Variants in SMAP1 observed in about 807,000 individuals in gnomAD.
SMAP1 encodes small ArfGAP 1, also known as stromal membrane-associated protein 1.
A neutral mutation model predicts 58.5 loss-of-function variants in SMAP1; 24 were observed. That is an observed-to-expected ratio of 0.41 (90% CI 0.30 to 0.58). The LOEUF (loss-of-function observed/expected upper bound fraction) is 0.58. Among genes scored for constraint, SMAP1 ranks in the 20% least tolerant of loss-of-function variants. The pLI is 0.29. For synonymous variants in SMAP1, 216 were observed against 196.6 expected, an observed-to-expected ratio of 1.10 and a Z score of -0.82; for missense variants, 563 against 566.3, an observed-to-expected ratio of 0.99 and a Z score of 0.06.
At chr6:70,757,714 T>G (rs540466349) in intron 3 of SMAP1, among the ~76,000 whole-genome samples, 30 of 152,242 alleles carry the variant, frequency 2.0e-4, no homozygotes, top group Admixed American at 4.6e-4. Context: ...GCGAAGGACA[T>G]GAACAGACAC....
At chr6:70,719,838 A>C (rs572048471) in intron 1 of SMAP1, among the ~76,000 whole-genome samples, 1 of 152,182 alleles carries the variant, frequency 6.6e-6, no homozygotes, top group African/African-American at 2.4e-5. Flanking sequence ...CCATGGTTCA[A>C]TTATCTTGCT....
At chr6:70,776,259 T>G in intron 4 of SMAP1, among the ~76,000 whole-genome samples, 1 of 152,188 alleles carries the variant, frequency 6.6e-6, no homozygotes, top group East Asian at 1.9e-4. Flanking sequence ...CTTGGCTCAC[T>G]GCAACCTCTG....
chr6:70,786,912 C>T (rs2149934778), intron 4 of SMAP1, among the ~76,000 whole-genome samples: 1 of 152,266 alleles, frequency 6.6e-6, no homozygotes, highest in South Asian at 2.1e-4. Context: ...CCCCATCAAG[C>T]TACCACTGAC....
intron 1 of SMAP1, among the ~76,000 whole-genome samples, chr6:70,729,459 T>TTGTA (rs1554194435): frequency 3.1e-5 from 4 of 128,164 alleles, no homozygotes; most frequent in Non-Finnish European, 6.4e-5. Flanking sequence ...AAAAAGAAGG[T>TTGTA]TGTGTGTGTG....
chr6:70,680,415 T>C (rs1581987989), intron 1 of SMAP1, among the ~76,000 whole-genome samples: 1 of 152,204 alleles, frequency 6.6e-6, no homozygotes, highest in African/African-American at 2.4e-5. Context: ...ATATTTTATC[T>C]GGTAAGGACC....
intron 1 of SMAP1, among the ~76,000 whole-genome samples, chr6:70,696,271 T>C (rs1377091647): frequency 6.6e-6 from 1 of 152,164 alleles, no homozygotes; most frequent in African/African-American, 2.4e-5. Flanking sequence ...ATATTTATTA[T>C]TTCTTTTCTT....
intron 10 of SMAP1, 56 bp downstream of exon 10, chr6:70,858,285 ATCTTTTTTT>A: frequency 6.9e-6 from 7 of 1,019,714 alleles, no homozygotes; most frequent in Non-Finnish European, 9.1e-6. Context: ...TATTTTCTAA[ATCTTTTTTT>A]TTTTTTTTTT....
At chr6:70,730,536 CTCTA>C (rs1342402263) in intron 1 of SMAP1, among the ~76,000 whole-genome samples, 2 of 152,222 alleles carry the variant, frequency 1.3e-5, no homozygotes, top group Non-Finnish European at 2.9e-5. Flanking sequence ...GGGGAGGCAG[CTCTA>C]TCTAGAGTTG....
In SMAP1 at chr6:70,720,841, T is replaced by C. The variant is rs184665114; in HGVS notation, c.119-11537T>C. On this transcript the variant is annotated intron_variant, in intron 1 of 10. Transcript: ENST00000370455. Reference sequence around the variant, plus strand: ...GCATGGGGACCCTGGGCCCGGCCCATGAAACCACTTTTTCCTCCTGGGCCT... The same window carrying C: ...GCATGGGGACCCTGGGCCCGGCCCACGAAACCACTTTTTCCTCCTGGGCCT... 2.0e-3 allele frequency among the ~76,000 whole-genome samples: 308 copies of C among 152,268 alleles called. 1 individual carries two copies. Among genetic ancestry groups the C allele is most frequent in the African/African-American group, 7.1e-3 (294 of 41,570 alleles).
At chr6:70,790,196 A>G (rs2149941428) in intron 4 of SMAP1, among the ~76,000 whole-genome samples, 1 of 152,236 alleles carries the variant, frequency 6.6e-6, no homozygotes, top group Admixed American at 6.5e-5. Flanking sequence ...GCTGGAGTGC[A>G]GTGGCGTGAT....
chr6:70,802,801 A>G (rs1768921634), intron 6 of SMAP1, among the ~76,000 whole-genome samples: 1 of 152,118 alleles, frequency 6.6e-6, no homozygotes, highest in Non-Finnish European at 1.5e-5. Context: ...TATGTGATGG[A>G]TCACGTTTAT....
rs1252151634 is a variant in SMAP1 at position 70,667,960 on chromosome 6, G to T, written c.-64G>T. ...CGGCGGCGCCAGGTGCGTTCACTCT[G>T]CCCGGCTCCAGCCAGCGTCCGCCGC... On this transcript the variant is annotated 5_prime_UTR_variant, in exon 1 of 11. Coordinates refer to ENST00000370455, the MANE Select transcript of SMAP1 (RefSeq NM_001044305.3). 7.0e-7 allele frequency: 1 copy of T among 1,438,592 alleles called. No individual in the cohort carries two copies. The highest frequency in any genetic ancestry group is 9.4e-7 in the Non-Finnish European group (1 of 1,059,598). 89.1% of individuals were successfully genotyped at this position (1,438,592 alleles called of 1,614,324 possible). A position where few individuals can be genotyped will look rare whatever the true frequency, so the allele number is the denominator to read the frequency against.
chr6:70,678,042 A>G (rs1037704318), intron 1 of SMAP1, among the ~76,000 whole-genome samples: 1 of 152,240 alleles, frequency 6.6e-6, no homozygotes, highest in African/African-American at 2.4e-5. Context: ...TTTTAAAATT[A>G]TTTCACTTAA....
intron 10 of SMAP1, chr6:70,859,959 T>C (rs1396163416): frequency 5.2e-6 from 2 of 381,376 alleles, no homozygotes; most frequent in Admixed American, 4.3e-5. Context: ...CCAAGATTGC[T>C]TTGGTATTTT....
chr6:70,770,970 C>G (rs1428330481), intron 3 of SMAP1, among the ~76,000 whole-genome samples: 6 of 152,192 alleles, frequency 3.9e-5, no homozygotes, highest in African/African-American at 9.7e-5. Context: ...TTCTAACAGA[C>G]AGGACCCTCA....
intron 3 of SMAP1, among the ~76,000 whole-genome samples, chr6:70,770,188 C>A (rs1420441349): frequency 6.6e-6 from 1 of 151,558 alleles, no homozygotes; most frequent in Non-Finnish European, 1.5e-5. Context: ...AACATTTTTT[C>A]CTGCATTTCA....
chr6:70,852,954 T>C (rs1412178230), intron 8 of SMAP1, among the ~76,000 whole-genome samples: 1 of 152,150 alleles, frequency 6.6e-6, no homozygotes, highest in Non-Finnish European at 1.5e-5. Context: ...ACCTAAAATA[T>C]TCACTGTCTT....
chr6:70,857,613 A>C, intron 9 of SMAP1: 1 of 313,204 alleles, frequency 3.2e-6, no homozygotes, highest in African/African-American at 2.2e-5. Flanking sequence ...ACAAATCAGC[A>C]ATAAAACAGT....
intron 1 of SMAP1, among the ~76,000 whole-genome samples, chr6:70,674,131 T>A (rs920522091): frequency 3.3e-5 from 5 of 152,064 alleles, no homozygotes; most frequent in Non-Finnish European, 5.9e-5. Flanking sequence ...TTTCTTTTTT[T>A]TTCTTTTTGG....
Sources: gnomAD v4.1 joint callset for allele counts (sites outside exome capture counted in the v4.1 genomes callset) on GRCh38, gnomAD v4.1.1 for gene constraint, MANE v1.5 for transcripts, NCBI Gene and HGNC (gene_info 2026-07-23, HGNC 2026-07-21) for gene names.